Variants in ZEB2 observed in about 807,000 individuals in gnomAD.
The protein encoded by ZEB2 is zinc finger E-box binding homeobox 2.
A neutral mutation model predicts 99.9 loss-of-function variants in ZEB2; 6 were observed. That is an observed-to-expected ratio of 0.06 (90% CI 0.03 to 0.12). ZEB2 has a LOEUF of 0.12. ZEB2 is among the 10% of genes least tolerant of loss of function. The pLI, the probability that ZEB2 is intolerant of heterozygous loss-of-function variation, is 1.00. For synonymous variants in ZEB2, 517 were observed against 542.5 expected (o/e 0.95, Z 0.65); for missense variants, 969 against 1,502.8 (o/e 0.64, Z 5.87).
At chr2:144,513,782 A>G (rs1705085074) in intron 2 of ZEB2, 2 of 1,535,992 alleles carry the variant, frequency 1.3e-6, no homozygotes, top group Admixed American at 2.0e-5. Flanking sequence ...CCGAGTGCTC[A>G]TTTCTGACTC....
chr2:144,507,397 A>C (rs569356026), intron 2 of ZEB2: 1 of 152,372 alleles, frequency 6.6e-6, no homozygotes, highest in Non-Finnish European at 1.5e-5. Context: ...GCACACTAAC[A>C]GCTCCGTATC....
At chr2:144,403,821 A>G (rs1199621527) in intron 6 of ZEB2, 95 bp downstream of exon 6, 4 of 1,519,304 alleles carry the variant, frequency 2.6e-6, no homozygotes, top group African/African-American at 1.4e-5. Context: ...CATCTTCAAA[A>G]TGCCATGAAA....
intron 2 of ZEB2, chr2:144,511,360 T>C (rs1705035655): frequency 1.7e-6 from 2 of 1,177,932 alleles, no homozygotes; most frequent in Non-Finnish European, 2.1e-6. Flanking sequence ...CACATGCACA[T>C]ACACAGCATA....
At position 144,384,718 on chromosome 2, in the gene ZEB2, C is replaced by T. The variant is rs1227572800; in HGVS notation, c.*4733G>A. The T allele has an allele frequency of 2.6e-5, 4 of 151,450 alleles. No individual in the cohort carries two copies. The highest frequency in any genetic ancestry group is 2.1e-4 in the South Asian group (1 of 4,808). The allele number at this position is 151,450 out of a possible 1,614,324, so 9.4% of individuals were successfully genotyped here. A position where few individuals can be genotyped will look rare whatever the true frequency, so the allele number is the denominator to read the frequency against. On this transcript the variant is annotated 3_prime_UTR_variant, in exon 10 of 10. Coordinates refer to ENST00000627532, the MANE Select transcript of ZEB2 (RefSeq NM_014795.4). ...AAATATGTACAATTTCAATTCACAG[C>T]GAAGGTAACAAAGATTTAAACAGCC...
chr2:144,424,359 T>C (rs921118347), intron 4 of ZEB2: 4 of 518,656 alleles, frequency 7.7e-6, no homozygotes, highest in African/African-American at 7.7e-5. Flanking sequence ...GAAATGTTCG[T>C]GGAAATTTGT....
chr2:144,401,401 G>T, intron 6 of ZEB2, 94 bp from the exon 7 acceptor site: 3 of 1,237,068 alleles, frequency 2.4e-6, no homozygotes, highest in Non-Finnish European at 3.6e-6. Context: ...TTTTCAGACA[G>T]GCCAAAAGGT....
intron 2 of ZEB2, among the ~76,000 whole-genome samples, chr2:144,465,146 T>C (rs1183687132): frequency 6.6e-6 from 1 of 152,180 alleles, no homozygotes; most frequent in Non-Finnish European, 1.5e-5. Flanking sequence ...GAAAACCCTT[T>C]CCTGGATTCT....
chr2:144,485,920 C>T (rs535289373), intron 2 of ZEB2, among the ~76,000 whole-genome samples: 1 of 152,276 alleles, frequency 6.6e-6, no homozygotes, highest in East Asian at 1.9e-4. Context: ...CGCCTGGCCT[C>T]TCTCTTCCTT....
At chr2:144,410,775 T>A (rs1703449616) in intron 4 of ZEB2, among the ~76,000 whole-genome samples, 1 of 152,130 alleles carries the variant, frequency 6.6e-6, no homozygotes, top group Non-Finnish European at 1.5e-5. Context: ...GAAAATTGAA[T>A]ATTATGTTAA....
chr2:144,404,194 A>G, intron 5 of ZEB2, 64 bp from the exon 6 acceptor site: 1 of 1,562,406 alleles, frequency 6.4e-7, no homozygotes, highest in South Asian at 1.1e-5. Context: ...ATGGCAGCTA[A>G]TGGGCTGACT....
intron 2 of ZEB2, chr2:144,503,904 A>G (rs1704910469): frequency 6.6e-6 from 1 of 152,044 alleles, no homozygotes; most frequent in African/African-American, 2.4e-5. Flanking sequence ...ATCTCTTCAA[A>G]TATAATTTTT....
intron 1 of ZEB2, 195 bp from the exon 2 acceptor site, chr2:144,517,614 T>C: frequency 1.8e-6 from 1 of 570,252 alleles, no homozygotes; most frequent in Non-Finnish European, 3.3e-6. Context: ...TTTGTTACTG[T>C]TTGGTGTGTT....
At chr2:144,451,112 A>G (rs958722414) in intron 2 of ZEB2, among the ~76,000 whole-genome samples, 13 of 152,232 alleles carry the variant, frequency 8.5e-5, no homozygotes, top group African/African-American at 2.9e-4. Context: ...GAGGGATAGA[A>G]TATGTAAAAG....
chr2:144,502,923 T>C (rs553272486), intron 2 of ZEB2, among the ~76,000 whole-genome samples: 14 of 152,306 alleles, frequency 9.2e-5, no homozygotes, highest in African/African-American at 3.1e-4. Context: ...CTTTTATTAC[T>C]GAATATCTCT....
At chr2:144,481,965 A>G (rs562865652) in intron 2 of ZEB2, among the ~76,000 whole-genome samples, 1 of 152,306 alleles carries the variant, frequency 6.6e-6, no homozygotes, top group African/African-American at 2.4e-5. Flanking sequence ...TTATAGAAAA[A>G]TGAGAAATAA....
chr2:144,417,917 T>A (rs538882530), intron 4 of ZEB2, among the ~76,000 whole-genome samples: 33 of 152,316 alleles, frequency 2.2e-4, no homozygotes, highest in African/African-American at 7.5e-4. Flanking sequence ...TATACATGTA[T>A]CAAAACATCA....
chr2:144,516,208 C>G (rs889069460), intron 2 of ZEB2: 4 of 146,284 alleles, frequency 2.7e-5, no homozygotes, highest in African/African-American at 7.8e-5. Flanking sequence ...CAGTTATCCT[C>G]CGTCAGCTCC....
intron 2 of ZEB2, chr2:144,513,899 C>G: frequency 6.6e-7 from 1 of 1,505,946 alleles, no homozygotes; most frequent in Non-Finnish European, 8.9e-7. Context: ...GTGAGTCAGG[C>G]GACTGAGGAT....
intron 2 of ZEB2, among the ~76,000 whole-genome samples, chr2:144,460,475 C>A (rs1427601395): frequency 6.6e-6 from 1 of 151,994 alleles, no homozygotes; most frequent in African/African-American, 2.4e-5. Context: ...TTTAAAGTGA[C>A]CTTGTTCCCA....
Sources: allele counts gnomAD v4.1 joint callset (sites outside exome capture counted in the v4.1 genomes callset), GRCh38; gene constraint gnomAD v4.1.1; transcripts MANE v1.5; gene names NCBI Gene and HGNC (gene_info 2026-07-23, HGNC 2026-07-21).